Variants in SPOCK1 observed in about 807,000 individuals in gnomAD.
SPOCK1 encodes the protein testican-1.
In SPOCK1, 23 loss-of-function variants were observed where a neutral mutation model predicts 55.3. The ratio of observed to expected loss-of-function variants is 0.42; its 90% CI spans 0.30 to 0.59. The LOEUF (loss-of-function observed/expected upper bound fraction) is 0.59. Ranked by LOEUF, SPOCK1 falls within the 20% of genes least tolerant of loss-of-function variation. SPOCK1 has a pLI of 0.22. For synonymous variants in SPOCK1, 226 were observed against 221.0 expected, an observed-to-expected ratio of 1.02 and a Z score of -0.20; for missense variants, 499 against 552.5, an observed-to-expected ratio of 0.90 and a Z score of 0.97.
chr5:137,271,478 T>G (rs1232013081), intron 2 of SPOCK1, among the ~76,000 whole-genome samples: 1 of 151,780 alleles, frequency 6.6e-6, no homozygotes, highest in East Asian at 1.9e-4. Flanking sequence ...CTATAATGCA[T>G]CTTCCAATGA....
intron 2 of SPOCK1, among the ~76,000 whole-genome samples, chr5:137,486,824 C>A (rs139145862): frequency 6.6e-6 from 1 of 152,182 alleles, no homozygotes; most frequent in Non-Finnish European, 1.5e-5. Context: ...AGAATTTGAC[C>A]GTCTTAGTCA....
intron 2 of SPOCK1, among the ~76,000 whole-genome samples, chr5:137,464,754 A>G (rs1049756874): frequency 3.9e-5 from 6 of 152,222 alleles, no homozygotes; most frequent in Admixed American, 3.3e-4. Flanking sequence ...TGGAGGGGCC[A>G]TCCAAGTGGA....
At chr5:136,981,406 C>CTATAGTTTAAGTTACATCTAGT (rs1289119282) in intron 9 of SPOCK1, among the ~76,000 whole-genome samples, 69 of 152,080 alleles carry the variant, frequency 4.5e-4, no homozygotes, top group African/African-American at 1.6e-3. Context: ...TGTGTTGTTC[C>CTATAGTTTAAGTTACATCTAGT]TATAGTTTAA....
intron 5 of SPOCK1, among the ~76,000 whole-genome samples, chr5:137,097,784 T>C (rs1325863913): frequency 6.6e-6 from 1 of 152,134 alleles, no homozygotes; most frequent in Non-Finnish European, 1.5e-5. Context: ...TACCACTGCA[T>C]CTGCCACATT....
chr5:137,185,148 G>T (rs1029281698), intron 3 of SPOCK1, among the ~76,000 whole-genome samples: 2 of 152,228 alleles, frequency 1.3e-5, no homozygotes, highest in African/African-American at 2.4e-5. Flanking sequence ...GAAAGGGTCA[G>T]TTGGGAGAGG....
At chr5:137,176,956 T>C (rs893622618) in intron 3 of SPOCK1, among the ~76,000 whole-genome samples, 4 of 152,176 alleles carry the variant, frequency 2.6e-5, no homozygotes, top group African/African-American at 9.7e-5. Context: ...ACAACTGTAA[T>C]CCACTAATCC....
intron 2 of SPOCK1, among the ~76,000 whole-genome samples, chr5:137,272,321 A>G (rs1756979385): frequency 6.6e-6 from 1 of 152,224 alleles, no homozygotes. Flanking sequence ...CCCCGAAATG[A>G]TAATAGAAGT....
intron 2 of SPOCK1, among the ~76,000 whole-genome samples, chr5:137,445,418 GA>G (rs1363844257): frequency 6.6e-6 from 1 of 152,044 alleles, no homozygotes; most frequent in South Asian, 2.1e-4. Context: ...ATTGAGAAGA[GA>G]AAAAAAATTT....
intron 4 of SPOCK1, among the ~76,000 whole-genome samples, chr5:137,129,640 A>G (rs980929771): frequency 1.3e-5 from 2 of 152,200 alleles, no homozygotes; most frequent in Admixed American, 6.5e-5. Flanking sequence ...TGTGAGTCCC[A>G]GGTCCAAGTG....
rs1443280358 is a variant in SPOCK1 at position 137,048,799 on chromosome 5, T to C, written c.589+18916A>G. 2.8e-3 allele frequency among the ~76,000 whole-genome samples: 307 copies of C among 110,886 alleles called. 1 individual carries two copies. The highest frequency in any genetic ancestry group is 0.011 in the African/African-American group (297 of 28,152). The allele number at this position is 110,886 out of a possible 152,430, so 72.7% of individuals were successfully genotyped here. On this transcript the variant is annotated intron_variant, in intron 6 of 10. Transcript: ENST00000394945. Reference sequence around the variant, plus strand: ...GGTATCGGTTGTTCCTTTCCATGTTTAGCGCTTCCTTCAGGAGCTCTTTTA... The same window carrying C: ...GGTATCGGTTGTTCCTTTCCATGTTCAGCGCTTCCTTCAGGAGCTCTTTTA...
At chr5:137,233,713 CTTTTTTTTTTT>C (rs56328555) in intron 3 of SPOCK1, among the ~76,000 whole-genome samples, 1 of 58,402 alleles carries the variant, frequency 1.7e-5, no homozygotes, top group Non-Finnish European at 2.9e-5. Context: ...AGGATATGCA[CTTTTTTTTTTT>C]TTTTTTTTTT....
intron 2 of SPOCK1, among the ~76,000 whole-genome samples, chr5:137,435,905 A>G (rs371412322): frequency 1.9e-4 from 29 of 152,204 alleles, no homozygotes; most frequent in African/African-American, 7.0e-4. Flanking sequence ...CTGTAATCCC[A>G]GCACTTGGGA....
intron 2 of SPOCK1, among the ~76,000 whole-genome samples, chr5:137,295,722 GA>G (rs5871632): frequency 0.85 from 127,337 of 149,744 alleles, 54,215 homozygotes; most frequent in African/African-American, 0.91. Flanking sequence ...CATTTTTACT[GA>G]AAAAAAAAAA....
intron 2 of SPOCK1, among the ~76,000 whole-genome samples, chr5:137,497,773 T>G (rs1754329343): frequency 6.6e-6 from 1 of 152,122 alleles, no homozygotes; most frequent in South Asian, 2.1e-4. Context: ...TTGTTCCTGT[T>G]TCAAGATTCC....
At chr5:137,133,560 T>C (rs1177022717) in intron 4 of SPOCK1, among the ~76,000 whole-genome samples, 3 of 152,092 alleles carry the variant, frequency 2.0e-5, no homozygotes, top group African/African-American at 4.8e-5. Flanking sequence ...ATCTAATCAA[T>C]AGTCTTCGTT....
chr5:137,189,839 T>C (rs957339384), intron 3 of SPOCK1, among the ~76,000 whole-genome samples: 3 of 152,042 alleles, frequency 2.0e-5, no homozygotes, highest in African/African-American at 7.2e-5. Flanking sequence ...AATACATTAG[T>C]GATTTACGGG....
intron 4 of SPOCK1, among the ~76,000 whole-genome samples, chr5:137,124,269 A>G (rs1292794089): frequency 6.6e-6 from 1 of 152,206 alleles, no homozygotes; most frequent in Non-Finnish European, 1.5e-5. Context: ...CAGCAGCTGC[A>G]GGCCTGAGCC....
At chr5:137,043,075 T>A (rs893717997) in intron 6 of SPOCK1, among the ~76,000 whole-genome samples, 1 of 152,186 alleles carries the variant, frequency 6.6e-6, no homozygotes, top group African/African-American at 2.4e-5. Flanking sequence ...TGAGCCTGGA[T>A]ATTTTATTTC....
chr5:137,213,796 T>C (rs1451324898), intron 3 of SPOCK1, among the ~76,000 whole-genome samples: 1 of 152,198 alleles, frequency 6.6e-6, no homozygotes, highest in Non-Finnish European at 1.5e-5. Flanking sequence ...GTGATGATAA[T>C]GACCTTCCTC....
Sources: allele counts gnomAD v4.1 joint callset (sites outside exome capture counted in the v4.1 genomes callset), GRCh38; gene constraint gnomAD v4.1.1; transcripts MANE v1.5; gene names NCBI Gene and HGNC (gene_info 2026-07-23, HGNC 2026-07-21).